The following RPH3A variants were observed in gnomAD, a reference collection of about 807,000 sequenced individuals.
The protein encoded by RPH3A is rabphilin-3A.
In RPH3A, 48 loss-of-function variants were observed where a neutral mutation model predicts 102.2. That is an observed-to-expected ratio of 0.47 (90% CI 0.37 to 0.60). The LOEUF (loss-of-function observed/expected upper bound fraction) is 0.60. Among genes scored for constraint, RPH3A ranks in the 20% least tolerant of loss-of-function variants. The pLI, the probability that RPH3A is intolerant of heterozygous loss-of-function variation, is 0.00. For synonymous variants in RPH3A, 310 were observed against 324.3 expected, an observed-to-expected ratio of 0.96 and a Z score of 0.47; for missense variants, 781 against 910.1, an observed-to-expected ratio of 0.86 and a Z score of 1.83.
intron 1 of RPH3A, among the ~76,000 whole-genome samples, chr12:112,599,056 T>A (rs984944238): frequency 6.6e-6 from 1 of 152,236 alleles, no homozygotes; most frequent in African/African-American, 2.4e-5. Context: ...CCATTAATCA[T>A]TTGTCTGCTA....
At chr12:112,832,937 CT>C (rs71086121) in intron 3 of RPH3A, among the ~76,000 whole-genome samples, 38,443 of 131,350 alleles carry the variant, frequency 0.29, 4,506 homozygotes, top group Middle Eastern at 0.35. Context: ...TTATTTCACT[CT>C]TTTTTTTTTT....
At chr12:112,860,452 CT>C (rs1448079182) in intron 5 of RPH3A, among the ~76,000 whole-genome samples, 1 of 152,176 alleles carries the variant, frequency 6.6e-6, no homozygotes, top group African/African-American at 2.4e-5. Context: ...TTCATGAGGC[CT>C]TTTGGCGTCC....
At chr12:112,838,931 A>G (rs4766660) in intron 4 of RPH3A, among the ~76,000 whole-genome samples, 70,905 of 151,888 alleles carry the variant, frequency 0.47, 17,076 homozygotes, top group East Asian at 0.57. Context: ...CTGACCCCTC[A>G]TGGTGCACCA....
intron 1 of RPH3A, among the ~76,000 whole-genome samples, chr12:112,609,493 C>T (rs1309432563): frequency 2.0e-5 from 3 of 152,154 alleles, no homozygotes; most frequent in Non-Finnish European, 4.4e-5. Flanking sequence ...TCTCTCCTTC[C>T]ACCTCCTGCC....
intron 2 of RPH3A, among the ~76,000 whole-genome samples, chr12:112,819,130 G>T (rs888851675): frequency 6.6e-6 from 1 of 151,544 alleles, no homozygotes; most frequent in Middle Eastern, 3.2e-3. Flanking sequence ...ATTTGAGATG[G>T]ACTCTCACTC....
At chr12:112,835,822 G>T (rs2042039416) in intron 3 of RPH3A, among the ~76,000 whole-genome samples, 1 of 151,972 alleles carries the variant, frequency 6.6e-6, no homozygotes, top group Non-Finnish European at 1.5e-5. Flanking sequence ...AGGGGAATTT[G>T]AGAGAAATGA....
chr12:112,891,905 A>G (rs2043102509), intron 19 of RPH3A, among the ~76,000 whole-genome samples: 1 of 152,228 alleles, frequency 6.6e-6, no homozygotes, highest in South Asian at 2.1e-4. Flanking sequence ...GTCAGACATC[A>G]GGCCCTATTC....
intron 2 of RPH3A, among the ~76,000 whole-genome samples, chr12:112,826,946 T>C (rs2041887105): frequency 6.6e-6 from 1 of 152,202 alleles, no homozygotes; most frequent in Admixed American, 6.5e-5. Context: ...GGTGTATACC[T>C]GAGCATATTT....
intron 20 of RPH3A, chr12:112,895,529 C>T (rs2043165750): frequency 2.3e-6 from 1 of 427,888 alleles, no homozygotes; most frequent in South Asian, 5.1e-5. Flanking sequence ...AAAACCTCAC[C>T]AGCCTTCCCA....
rs768230622 is a variant in RPH3A at position 112,869,901 on chromosome 12, C to A, written c.658C>A (p.Pro220Thr). The change falls in exon 10 of 22, where the codon CCA (proline) becomes ACA (threonine). Residue 220 changes from proline to threonine, a missense_variant. This residue lies in a region of RPH3A where 730 missense variants were observed against 810.0 expected (regional missense o/e 0.90). Transcript: ENST00000389385. The part of the protein sequence containing the change: ...RGPGQKTGPD[P>T]ASAPGRGNYG... Reference sequence around the variant, plus strand: ...CATGCTCTTCTTTCCAGGCCCTGACCCAGCCTCTGCTCCCGGGCGAGGAAA... The same window carrying A: ...CATGCTCTTCTTTCCAGGCCCTGACACAGCCTCTGCTCCCGGGCGAGGAAA... 6.2e-7 allele frequency: 1 copy of A among 1,614,052 alleles called. No homozygotes were observed. Among genetic ancestry groups the A allele is most frequent in the Middle Eastern group, 1.7e-4 (1 of 6,060 alleles).
chr12:112,685,575 G>A (rs1011683874), intron 1 of RPH3A, among the ~76,000 whole-genome samples: 3 of 152,160 alleles, frequency 2.0e-5, no homozygotes, highest in Admixed American at 2.0e-4. Context: ...CTGGTTCGCT[G>A]CCAGAAATCA....
chr12:112,731,263 A>G (rs923994404), intron 1 of RPH3A, among the ~76,000 whole-genome samples: 6 of 152,066 alleles, frequency 3.9e-5, no homozygotes, highest in Admixed American at 2.0e-4. Flanking sequence ...AAAGAGAAAG[A>G]GGGAGAGAAG....
chr12:112,829,595 T>C (rs1179611925), intron 3 of RPH3A, among the ~76,000 whole-genome samples: 2 of 152,172 alleles, frequency 1.3e-5, no homozygotes, highest in African/African-American at 4.8e-5. Flanking sequence ...TAGCAAAAAT[T>C]TTTCCTTATT....
intron 1 of RPH3A, among the ~76,000 whole-genome samples, chr12:112,730,364 A>G (rs976679068): frequency 1.3e-5 from 2 of 152,218 alleles, no homozygotes; most frequent in Non-Finnish European, 2.9e-5. Context: ...TGTTAGCCCC[A>G]TCAGGGGTAG....
At chr12:112,597,317 T>A (rs1180346636) in intron 1 of RPH3A, among the ~76,000 whole-genome samples, 1 of 152,214 alleles carries the variant, frequency 6.6e-6, no homozygotes, top group African/African-American at 2.4e-5. Flanking sequence ...TTGCATTGGC[T>A]GATGCTTATA....
At chr12:112,664,106 T>A (rs1241711968) in intron 1 of RPH3A, among the ~76,000 whole-genome samples, 1 of 152,034 alleles carries the variant, frequency 6.6e-6, no homozygotes, top group Non-Finnish European at 1.5e-5. Flanking sequence ...AATATGTAGG[T>A]AAAAGGTCAA....
At chr12:112,857,900 C>T (rs1228650129) in intron 5 of RPH3A, among the ~76,000 whole-genome samples, 1 of 152,136 alleles carries the variant, frequency 6.6e-6, no homozygotes, top group Non-Finnish European at 1.5e-5. Flanking sequence ...CTTCATTCTA[C>T]CTGGAACAGC....
intron 1 of RPH3A, among the ~76,000 whole-genome samples, chr12:112,631,678 G>A (rs542018672): frequency 1.3e-4 from 20 of 151,384 alleles, no homozygotes; most frequent in Admixed American, 2.6e-4. Context: ...ATATGCCACC[G>A]CACCTGCTAA....
intron 1 of RPH3A, among the ~76,000 whole-genome samples, chr12:112,631,761 C>A (rs1052092624): frequency 8.5e-5 from 13 of 152,048 alleles, no homozygotes; most frequent in Admixed American, 2.6e-4. Context: ...TGAGCTCAAG[C>A]AATCCTCCTG....
Sources: gnomAD v4.1 joint callset for allele counts (sites outside exome capture counted in the v4.1 genomes callset) on GRCh38, gnomAD v4.1.1 for gene constraint, gnomAD v4.1.1 regional missense constraint, MANE v1.5 for transcripts, NCBI Gene and HGNC (gene_info 2026-07-23, HGNC 2026-07-21) for gene names.